The following SRGAP3 variants were observed in gnomAD, a reference collection of about 807,000 sequenced individuals.
SRGAP3 encodes SLIT-ROBO Rho GTPase-activating protein 3.
In SRGAP3, 39 loss-of-function variants were observed where a neutral mutation model predicts 121.1. The ratio of observed to expected loss-of-function variants is 0.32; its 90% CI spans 0.25 to 0.42. The LOEUF is 0.42. Among genes scored for constraint, SRGAP3 ranks in the 10% least tolerant of loss-of-function variants. The pLI is 1.00. For synonymous variants in SRGAP3, 601 were observed against 570.0 expected, an observed-to-expected ratio of 1.05 and a Z score of -0.77; for missense variants, 1,213 against 1,470.6, an observed-to-expected ratio of 0.82 and a Z score of 2.86.
At chr3:9,152,539 G>C (rs1037746213) in intron 1 of SRGAP3, among the ~76,000 whole-genome samples, 1 of 152,220 alleles carries the variant, frequency 6.6e-6, no homozygotes, top group Non-Finnish European at 1.5e-5. Flanking sequence ...GCAGGGGGAG[G>C]AAGCCAGTCT....
intron 3 of SRGAP3, among the ~76,000 whole-genome samples, chr3:9,262,553 A>AAAAAAAAAAAAAAAAAAAC (rs1954276328): frequency 6.7e-6 from 1 of 149,498 alleles, no homozygotes; most frequent in Non-Finnish European, 1.5e-5. Context: ...AAAAAAAAAA[A>AAAAAAAAAAAAAAAAAAAC]AAAGCAGTGG....
At chr3:9,301,564 A>AC (rs1955054639) in intron 3 of SRGAP3, among the ~76,000 whole-genome samples, 1 of 152,226 alleles carries the variant, frequency 6.6e-6, no homozygotes, top group Non-Finnish European at 1.5e-5. Context: ...TGGTTTCTGT[A>AC]AGGGGTGGGT....
intron 3 of SRGAP3, among the ~76,000 whole-genome samples, chr3:9,088,440 C>G (rs1341667987): frequency 6.6e-6 from 1 of 152,172 alleles, no homozygotes; most frequent in South Asian, 2.1e-4. Flanking sequence ...GTTCCTTTGC[C>G]TCTTTGCCTG....
intron 3 of SRGAP3, among the ~76,000 whole-genome samples, chr3:9,323,858 A>C (rs892137628): frequency 2.6e-5 from 4 of 151,536 alleles, no homozygotes; most frequent in Non-Finnish European, 5.9e-5. Flanking sequence ...ACTGAAAAAA[A>C]GGTTTAAATT....
intron 3 of SRGAP3, among the ~76,000 whole-genome samples, chr3:9,277,314 A>T (rs1441183848): frequency 6.6e-6 from 1 of 152,076 alleles, no homozygotes; most frequent in Non-Finnish European, 1.5e-5. Flanking sequence ...ATATTTGTAT[A>T]CCAGGCCGGG....
At chr3:9,105,434 A>G (rs1948387260) in intron 2 of SRGAP3, among the ~76,000 whole-genome samples, 1 of 152,214 alleles carries the variant, frequency 6.6e-6, no homozygotes, top group Non-Finnish European at 1.5e-5. Context: ...AAGTACCTAC[A>G]AGACAAATAA....
intron 20 of SRGAP3, among the ~76,000 whole-genome samples, chr3:8,992,242 A>C (rs1942099916): frequency 6.6e-6 from 1 of 152,190 alleles, no homozygotes; most frequent in Non-Finnish European, 1.5e-5. Flanking sequence ...GAGTGTGACT[A>C]AAAAGGCAGT....
chr3:9,012,515 C>T (rs1943426369), intron 17 of SRGAP3, among the ~76,000 whole-genome samples: 1 of 152,188 alleles, frequency 6.6e-6, no homozygotes, highest in South Asian at 2.1e-4. Context: ...AATCTTTCTC[C>T]TAAGACCTAG....
intron 2 of SRGAP3, among the ~76,000 whole-genome samples, chr3:9,115,763 C>G (rs908656850): frequency 7.9e-5 from 12 of 152,150 alleles, no homozygotes; most frequent in African/African-American, 2.9e-4. Flanking sequence ...TTCCTGCACA[C>G]CACCACACTT....
intron 1 of SRGAP3, among the ~76,000 whole-genome samples, chr3:9,227,475 G>C (rs935110470): frequency 1.3e-5 from 2 of 152,298 alleles, no homozygotes; most frequent in African/African-American, 4.8e-5. Context: ...GTGCCCATTT[G>C]AAAGAGGAAG....
chr3:9,167,567 G>C (rs78832347), intron 1 of SRGAP3, among the ~76,000 whole-genome samples: 67 of 152,252 alleles, frequency 4.4e-4, no homozygotes, highest in African/African-American at 9.9e-4. Context: ...CAACGCCTAG[G>C]GGGGGAGCAG....
intron 3 of SRGAP3, among the ~76,000 whole-genome samples, chr3:9,301,814 C>T (rs1177856285): frequency 6.6e-6 from 1 of 152,170 alleles, no homozygotes; most frequent in Non-Finnish European, 1.5e-5. Flanking sequence ...GAGAGAGGAA[C>T]AATAATAGTA....
chr3:9,226,963 C>T (rs1001608556), intron 1 of SRGAP3, among the ~76,000 whole-genome samples: 1 of 152,134 alleles, frequency 6.6e-6, no homozygotes, highest in African/African-American at 2.4e-5. Context: ...AGGATTGGCT[C>T]AAGGTGGATC....
chr3:9,100,672 A>C (rs1948181383), intron 3 of SRGAP3, among the ~76,000 whole-genome samples: 2 of 152,224 alleles, frequency 1.3e-5, no homozygotes, highest in Non-Finnish European at 2.9e-5. Context: ...CAAAAATACA[A>C]GGGACTTTTT....
At chr3:9,067,550 G>A (rs962366255) in intron 4 of SRGAP3, among the ~76,000 whole-genome samples, 12 of 152,132 alleles carry the variant, frequency 7.9e-5, no homozygotes, top group African/African-American at 1.2e-4. Flanking sequence ...GACATCTAGT[G>A]GCCAAAAGGG....
At chr3:9,106,448 T>A (rs1372864354) in intron 2 of SRGAP3, among the ~76,000 whole-genome samples, 1 of 152,224 alleles carries the variant, frequency 6.6e-6, no homozygotes, top group African/African-American at 2.4e-5. Context: ...GCCAAGGTTC[T>A]GTTCTTAGAA....
chr3:9,264,457 T>C (rs1324495807), intron 3 of SRGAP3, among the ~76,000 whole-genome samples: 1 of 152,224 alleles, frequency 6.6e-6, no homozygotes, highest in African/African-American at 2.4e-5. Flanking sequence ...GACATGATTG[T>C]ATATTTAGAA....
chr3:9,318,593 G>A (rs1190748537), intron 3 of SRGAP3, among the ~76,000 whole-genome samples: 1 of 151,568 alleles, frequency 6.6e-6, no homozygotes, highest in African/African-American at 2.4e-5. Flanking sequence ...ATCAAGCCAG[G>A]GCCAGGTGCC....
intron 3 of SRGAP3, among the ~76,000 whole-genome samples, chr3:9,314,904 G>A (rs1312466650): frequency 6.6e-6 from 1 of 152,226 alleles, no homozygotes; most frequent in East Asian, 1.9e-4. Flanking sequence ...CTCAGTGCCT[G>A]GAGCCTCATC....
Sources: allele counts gnomAD v4.1 joint callset (sites outside exome capture counted in the v4.1 genomes callset), GRCh38; gene constraint gnomAD v4.1.1; transcripts MANE v1.5; gene names NCBI Gene and HGNC (gene_info 2026-07-23, HGNC 2026-07-21).